Variants in GRM5 observed in about 807,000 individuals in gnomAD.
GRM5 encodes metabotropic glutamate receptor 5.
A neutral mutation model predicts 83.1 loss-of-function variants in GRM5; 19 were observed. The ratio of observed to expected loss-of-function variants is 0.23; its 90% CI spans 0.16 to 0.34. GRM5 has a LOEUF of 0.34. Among genes scored for constraint, GRM5 ranks in the 10% least tolerant of loss-of-function variants. GRM5 has a pLI of 1.00. For missense variants in GRM5, 1,160 were observed against 1,588.3 expected, an observed-to-expected ratio of 0.73 and a Z score of 4.58; for synonymous variants, 675 against 633.6, an observed-to-expected ratio of 1.07 and a Z score of -0.98.
intron 3 of GRM5, among the ~76,000 whole-genome samples, chr11:88,784,928 A>G (rs1285997067): frequency 6.6e-6 from 1 of 152,074 alleles, no homozygotes; most frequent in South Asian, 2.1e-4. Context: ...ACAGCTCTCT[A>G]TATGACATAT....
At chr11:88,650,374 C>G (rs1192333548) in intron 4 of GRM5, among the ~76,000 whole-genome samples, 1 of 151,822 alleles carries the variant, frequency 6.6e-6, no homozygotes, top group Non-Finnish European at 1.5e-5. Context: ...AGATAATAAA[C>G]TCAAAGAAAT....
At chr11:88,515,329 G>C (rs1941492485) in intron 9 of GRM5, among the ~76,000 whole-genome samples, 1 of 152,016 alleles carries the variant, frequency 6.6e-6, no homozygotes, top group Admixed American at 6.6e-5. Flanking sequence ...TACTCTAACT[G>C]GTATTAGTTG....
chr11:88,525,651 T>C (rs1410460745), intron 8 of GRM5, among the ~76,000 whole-genome samples: 1 of 152,240 alleles, frequency 6.6e-6, no homozygotes, highest in Non-Finnish European at 1.5e-5. Flanking sequence ...CATTGCCTAT[T>C]AAACTGAATA....
At chr11:88,971,090 C>T (rs963821429) in intron 2 of GRM5, among the ~76,000 whole-genome samples, 31 of 151,288 alleles carry the variant, frequency 2.0e-4, no homozygotes, top group African/African-American at 7.4e-4. Flanking sequence ...TAGTGGAAAA[C>T]ATATTTCTCA....
intron 3 of GRM5, among the ~76,000 whole-genome samples, chr11:88,744,724 GCT>G (rs1942097618): frequency 6.6e-6 from 1 of 152,098 alleles, no homozygotes; most frequent in Non-Finnish European, 1.5e-5. Flanking sequence ...AACCAGCACT[GCT>G]CTGGTATTAG....
rs548443125 is a variant in GRM5, at chr11:88,748,551, A to T, written c.912-95148T>A. 4.5e-4 allele frequency among the ~76,000 whole-genome samples: 69 copies of T among 152,226 alleles called. 1 individual carries two copies. The highest frequency in any genetic ancestry group is 1.7e-3 in the African/African-American group (69 of 41,544). ...AGAACATAAGTGGTCTGGATGAGAAAGGGTTCACCGCAATGCAGTGTACCT... is the reference window on the plus strand; with the variant it reads ...AGAACATAAGTGGTCTGGATGAGAATGGGTTCACCGCAATGCAGTGTACCT... On this transcript the variant is annotated intron_variant, in intron 3 of 9. Coordinates refer to ENST00000305447, the MANE Select transcript of GRM5 (RefSeq NM_001143831.3).
chr11:88,607,750 A>G (rs1257270643), intron 4 of GRM5, among the ~76,000 whole-genome samples: 1 of 152,212 alleles, frequency 6.6e-6, no homozygotes, highest in Non-Finnish European at 1.5e-5. Context: ...CATGCTAGGC[A>G]TGCCCCTGCC....
rs879918272 is a variant in GRM5 at position 88,781,566 on chromosome 11, G to GT, written c.911+68339_911+68340insA. ...CAGGCAGGCTGATTGTCCTGGCTATGATTCCAGTCATCATAAATACATTTG... is the reference window on the plus strand; with the variant it reads ...CAGGCAGGCTGATTGTCCTGGCTATGTATTCCAGTCATCATAAATACATTTG... On this transcript the variant is annotated intron_variant, in intron 3 of 9. Transcript: ENST00000305447. Among the ~76,000 whole-genome samples, 862 of 152,286 alleles carry GT rather than the reference G, an allele frequency of 5.7e-3. 15 individuals carry two copies. The East Asian group carries it at 0.071, about 13-fold the overall frequency.
rs558285533 is a variant in GRM5 at position 88,902,770 on chromosome 11, G to A, written c.662-52615C>T. 6.6e-4 allele frequency among the ~76,000 whole-genome samples: 100 copies of A among 152,070 alleles called. 3 individuals are homozygous for A. Among genetic ancestry groups the A allele is most frequent in the Non-Finnish European group, 5.4e-4 (37 of 67,970 alleles). ...GGATTTCCAGGCCAGCCTGGCCAAT[G>A]TGAAACCCTGTCTCTACTAAAAATA... On this transcript the variant is annotated intron_variant, in intron 2 of 9. Transcript: ENST00000305447.
chr11:88,985,002 C>T lies in GRM5; in HGVS notation c.661+62210G>A, dbSNP rs1591020364. On this transcript the variant is annotated intron_variant, in intron 2 of 9. Transcript: ENST00000305447. ...ATCATCAATCTGGTACTCAATTTTACTCCATTCCACTTAATCATTTATTAA... is the reference window on the plus strand; with the variant it reads ...ATCATCAATCTGGTACTCAATTTTATTCCATTCCACTTAATCATTTATTAA... The T allele has an allele frequency of 1.4e-5, 7 of 503,300 alleles. No homozygotes were observed. The South Asian group carries it at 2.1e-4, about 15-fold the overall frequency. The allele number at this position is 503,300 out of a possible 1,614,324, so 31.2% of individuals were successfully genotyped here. A position where few individuals can be genotyped will look rare whatever the true frequency, so the allele number is the denominator to read the frequency against.
intron 4 of GRM5, among the ~76,000 whole-genome samples, chr11:88,628,743 C>T (rs1221325799): frequency 6.6e-6 from 1 of 152,170 alleles, no homozygotes. Context: ...TGACAACAGA[C>T]TCAAATAACC....
At chr11:88,673,616 A>C (rs2135335626) in intron 3 of GRM5, among the ~76,000 whole-genome samples, 1 of 152,008 alleles carries the variant, frequency 6.6e-6, no homozygotes, top group South Asian at 2.1e-4. Context: ...TGAGCAATTG[A>C]GAAATTCATT....
In GRM5 at chr11:88,846,901, T is replaced by A. The variant is rs559239933; in HGVS notation, c.911+3005A>T. ...TAAAAATTTGAATTATCTAAAATTT[T>A]AAAAAAATAAACTCAGGTTCTATGT... On this transcript the variant is annotated intron_variant, in intron 3 of 9. Coordinates refer to ENST00000305447, the MANE Select transcript of GRM5 (RefSeq NM_001143831.3). 2.7e-3 allele frequency among the ~76,000 whole-genome samples: 410 copies of A among 152,228 alleles called. 3 individuals carry two copies. The highest frequency in any genetic ancestry group is 8.9e-3 in the African/African-American group (368 of 41,568).
intron 2 of GRM5, among the ~76,000 whole-genome samples, chr11:88,869,673 G>T (rs1360282077): frequency 6.6e-6 from 1 of 151,492 alleles, no homozygotes; most frequent in Non-Finnish European, 1.5e-5. Context: ...TTTTGCTTAT[G>T]TTTTTCAAAC....
At chr11:88,783,169 A>G (rs1404267765) in intron 3 of GRM5, among the ~76,000 whole-genome samples, 1 of 152,102 alleles carries the variant, frequency 6.6e-6, no homozygotes, top group Admixed American at 6.6e-5. Context: ...ACATTTTCCC[A>G]TAATCTTAGG....
chr11:88,753,779 C>A (rs1002895701), intron 3 of GRM5, among the ~76,000 whole-genome samples: 1 of 151,948 alleles, frequency 6.6e-6, no homozygotes, highest in African/African-American at 2.4e-5. Context: ...GAGCAATTTA[C>A]AAAAGAAAAA....
chr11:89,022,340 A>C (rs1413831936), intron 2 of GRM5, among the ~76,000 whole-genome samples: 1 of 152,110 alleles, frequency 6.6e-6, no homozygotes, highest in Non-Finnish European at 1.5e-5. Context: ...GAAGTTATGC[A>C]AGATTAAAAA....
chr11:88,996,092 C>T (rs1460303567), intron 2 of GRM5, among the ~76,000 whole-genome samples: 1 of 152,154 alleles, frequency 6.6e-6, no homozygotes, highest in Non-Finnish European at 1.5e-5. Flanking sequence ...TACAGCTTCA[C>T]GTTTTTTAGG....
Position 88,508,706 on chromosome 11 carries a change from C to T in GRM5, c.3525G>A (p.Ser1175=). ...CTGGCGAGTTGGGGGTTGTGCTCCCCGAGTCCACCGAGTCTCTGAAGGGGG... is the reference window on the plus strand; with the variant it reads ...CTGGCGAGTTGGGGGTTGTGCTCCCTGAGTCCACCGAGTCTCTGAAGGGGG... ...PPSPFRDSVD[S]GSTTPNSPVS... is the part of the protein sequence containing the mutation. The change falls in exon 10 of 10, where the codon TCG becomes TCA. Residue 1175 remains serine (S), a synonymous_variant. Transcript: ENST00000305447. This position sits in a 1 kb window ranked among gnomAD's most constrained non-coding sequence, Gnocchi z 4.2. 3 of 1,599,656 alleles carry T rather than the reference C, an allele frequency of 1.9e-6. No individual in the cohort carries two copies. Among genetic ancestry groups the T allele is most frequent in the Non-Finnish European group, 2.6e-6 (3 of 1,173,722 alleles).
Sources: gnomAD v4.1 joint callset for allele counts (sites outside exome capture counted in the v4.1 genomes callset) on GRCh38, gnomAD v4.1.1 for gene constraint, Gnocchi (gnomAD v3.1) non-coding constraint, MANE v1.5 for transcripts, NCBI Gene and HGNC (gene_info 2026-07-23, HGNC 2026-07-21) for gene names.